The following SARNP variants were observed in gnomAD, a reference collection of about 807,000 sequenced individuals.
The protein encoded by SARNP is SAP domain-containing ribonucleoprotein.
Under a neutral mutation model 38.1 loss-of-function variants are expected in SARNP, and 5 were observed. The ratio of observed to expected loss-of-function variants is 0.13; its 90% CI spans 0.07 to 0.28. The LOEUF is 0.28. SARNP is among the 10% of genes least tolerant of loss of function. The pLI, the probability that SARNP is intolerant of heterozygous loss-of-function variation, is 1.00. For synonymous variants in SARNP, 84 were observed against 80.6 expected (o/e 1.04, Z -0.23); for missense variants, 180 against 243.9 (o/e 0.74, Z 1.75).
At chr12:55,795,937 T>C in intron 5 of SARNP, 88 bp downstream of exon 5, 2 of 948,850 alleles carry the variant, frequency 2.1e-6, no homozygotes, top group Non-Finnish European at 3.2e-6. Context: ...TGCCTGTGAA[T>C]AAATTTTAGA....
Position 55,757,491 on chromosome 12 carries a change from G to C in SARNP, c.*21C>G, listed in dbSNP as rs1480408079. On this transcript the variant is annotated 3_prime_UTR_variant, in exon 11 of 11. Transcript: ENST00000336133. ...GAGAAATGGAAAACACTGGAGAACA[G>C]AAAGTATCAGGAACTTTTCATCAGG... 6.3e-7 allele frequency: 1 copy of C among 1,599,678 alleles called. No individual in the cohort carries two copies.
intron 9 of SARNP, among the ~76,000 whole-genome samples, chr12:55,767,839 T>G (rs1258493482): frequency 3.6e-5 from 3 of 82,284 alleles, no homozygotes; most frequent in Non-Finnish European, 6.3e-5. Flanking sequence ...AGAGCGAGAC[T>G]CCCTCTCAGA....
intron 1 of SARNP, among the ~76,000 whole-genome samples, chr12:55,814,873 T>TAAA (rs779186349): frequency 7.4e-6 from 1 of 135,298 alleles, no homozygotes; most frequent in Non-Finnish European, 1.6e-5. Context: ...CATCTCAATT[T>TAAA]AAAAAAAAAA....
intron 9 of SARNP, among the ~76,000 whole-genome samples, chr12:55,777,475 A>G (rs1879216465): frequency 6.6e-6 from 1 of 151,834 alleles, no homozygotes; most frequent in Admixed American, 6.6e-5. Context: ...CCCGGGTTCA[A>G]GCGATTCTCC....
intron 4 of SARNP, among the ~76,000 whole-genome samples, chr12:55,796,318 A>G (rs1879819048): frequency 1.3e-5 from 2 of 152,256 alleles, no homozygotes; most frequent in Admixed American, 1.3e-4. Flanking sequence ...AAATAAGGAA[A>G]GAAGTCTGGT....
intron 1 of SARNP, among the ~76,000 whole-genome samples, chr12:55,815,587 C>T (rs563691091): frequency 6.6e-6 from 1 of 152,308 alleles, no homozygotes; most frequent in African/African-American, 2.4e-5. Context: ...TCACAGCCTC[C>T]TCAATAGCTG....
At chr12:55,787,241 T>TAAAAAAA (rs4016515) in intron 9 of SARNP, among the ~76,000 whole-genome samples, 25,955 of 101,988 alleles carry the variant, frequency 0.25, 5,573 homozygotes, top group African/African-American at 0.6. Flanking sequence ...CAAAAAAGAC[T>TAAAAAAA]AAAAAAAAAA....
At chr12:55,801,619 A>G (rs746746004) in intron 2 of SARNP, among the ~76,000 whole-genome samples, 3 of 152,112 alleles carry the variant, frequency 2.0e-5, no homozygotes, top group African/African-American at 7.2e-5. Flanking sequence ...GACAAATGAC[A>G]AGACATTTGT....
chr12:55,794,693 C>T, intron 6 of SARNP, 114 bp downstream of exon 6: 1 of 695,672 alleles, frequency 1.4e-6, no homozygotes, highest in Non-Finnish European at 2.5e-6. Context: ...TGTTCATATC[C>T]TTCAGCAAGC....
At chr12:55,805,286 A>G (rs1880105710) in intron 1 of SARNP, among the ~76,000 whole-genome samples, 1 of 152,234 alleles carries the variant, frequency 6.6e-6, no homozygotes, top group African/African-American at 2.4e-5. Context: ...AAATAAATAA[A>G]ACATATTACA....
Position 55,757,303 on chromosome 12 carries a change from C to T in SARNP, c.*209G>A, listed in dbSNP as rs1878537143. On this transcript the variant is annotated 3_prime_UTR_variant, in exon 11 of 11. Coordinates refer to ENST00000336133, the MANE Select transcript of SARNP (RefSeq NM_033082.4). ...TCTATTTTTTTTTATTAACAAGCAACATAATCAAAAACAAAAACACAACAA... is the reference window on the plus strand; with the variant it reads ...TCTATTTTTTTTTATTAACAAGCAATATAATCAAAAACAAAAACACAACAA... The T allele has an allele frequency of 2.5e-6, 1 of 404,818 alleles. No homozygotes were observed. The highest frequency in any genetic ancestry group is 2.1e-5 in the African/African-American group (1 of 48,534). 25.1% of individuals were successfully genotyped at this position (404,818 alleles called of 1,614,324 possible).
At chr12:55,795,589 A>G (rs1164096238) in intron 5 of SARNP, among the ~76,000 whole-genome samples, 1 of 152,206 alleles carries the variant, frequency 6.6e-6, no homozygotes, top group Non-Finnish European at 1.5e-5. Context: ...AAAGAGTTTA[A>G]TAATTCTCTA....
At chr12:55,809,139 G>A (rs1323855675) in intron 1 of SARNP, among the ~76,000 whole-genome samples, 2 of 151,748 alleles carry the variant, frequency 1.3e-5, no homozygotes, top group African/African-American at 2.4e-5. Flanking sequence ...CCAGGAAGTC[G>A]AGGCTGCAGT....
intron 2 of SARNP, among the ~76,000 whole-genome samples, chr12:55,802,736 A>G (rs149488281): frequency 1.3e-5 from 2 of 151,548 alleles, no homozygotes; most frequent in African/African-American, 4.8e-5. Context: ...TATATACTAT[A>G]TACTATTATA....
chr12:55,783,723 T>G (rs570498715), intron 9 of SARNP, among the ~76,000 whole-genome samples: 18 of 152,130 alleles, frequency 1.2e-4, no homozygotes, highest in Admixed American at 1.2e-3. Context: ...AATAGCAGAC[T>G]CAGGTTCTTA....
At chr12:55,792,003 TA>T (rs1213945554) in intron 7 of SARNP, among the ~76,000 whole-genome samples, 9 of 152,074 alleles carry the variant, frequency 5.9e-5, no homozygotes, top group African/African-American at 1.9e-4. Flanking sequence ...CTTGCACCTG[TA>T]GTCCCAGTTA....
At chr12:55,791,707 A>C (rs935514320) in intron 7 of SARNP, among the ~76,000 whole-genome samples, 1 of 152,142 alleles carries the variant, frequency 6.6e-6, no homozygotes, top group Admixed American at 6.6e-5. Context: ...AAAAGAAAAA[A>C]AGAAAAAAAG....
At position 55,817,662 on chromosome 12, in the gene SARNP, G is replaced by T; in HGVS notation, c.36+4C>A. ...CAACTCAGCCCTTCCCCGATTCACG[G>T]TACCTTTAGCTTATGGAGCTCCACC... On this transcript the variant is annotated splice_donor_region_variant and intron_variant, in intron 1 of 10. Transcript: ENST00000336133. 1 of 1,611,026 alleles carries T rather than the reference G, an allele frequency of 6.2e-7. No individual in the cohort carries two copies. The highest frequency in any genetic ancestry group is 1.3e-5 in the African/African-American group (1 of 74,884).
intron 2 of SARNP, among the ~76,000 whole-genome samples, chr12:55,803,164 G>C (rs997077869): frequency 5.9e-5 from 9 of 152,094 alleles, no homozygotes; most frequent in Admixed American, 4.6e-4. Flanking sequence ...AAATTAGATA[G>C]AGGACTTGTA....
Sources: allele counts gnomAD v4.1 joint callset (sites outside exome capture counted in the v4.1 genomes callset), GRCh38; gene constraint gnomAD v4.1.1; transcripts MANE v1.5; gene names NCBI Gene and HGNC (gene_info 2026-07-23, HGNC 2026-07-21).